TEP1: variants seen among roughly 807,000 people sequenced by gnomAD.
TEP1 encodes telomerase protein component 1.
TEP1 carries 241 observed loss-of-function variants against 306.3 expected under a neutral mutation model. The observed-to-expected ratio is 0.79, with a 90% CI of 0.71 to 0.88. The LOEUF (loss-of-function observed/expected upper bound fraction) is 0.88, where lower values mean the gene tolerates loss of function less well. Among genes scored for constraint, TEP1 ranks in the 40% least tolerant of loss-of-function variants. The probability of loss-of-function intolerance (pLI) is 0.00; values close to 1 mark genes in which losing one functional copy is unlikely to be tolerated. For missense variants in TEP1, 3,051 were observed against 3,276.1 expected (o/e 0.93, Z 1.68); for synonymous variants, 1,289 against 1,305.5 (o/e 0.99, Z 0.27).
chr14:20,369,018 T>C, intron 53 of TEP1, 116 bp from the exon 54 acceptor site: 3 of 774,844 alleles, frequency 3.9e-6, no homozygotes, highest in Non-Finnish European at 6.2e-6. Flanking sequence ...TTCTTTTTTT[T>C]TTTTTTGAGA....
intron 12 of TEP1, among the ~76,000 whole-genome samples, chr14:20,393,226 A>G (rs796682788): frequency 2.0e-5 from 3 of 152,218 alleles, no homozygotes; most frequent in African/African-American, 4.8e-5. Context: ...CAAAAAAAAA[A>G]AGAGAAGAAA....
chr14:20,406,854 G>A (rs1020946432), intron 2 of TEP1, among the ~76,000 whole-genome samples: 1 of 152,220 alleles, frequency 6.6e-6, no homozygotes, highest in African/African-American at 2.4e-5. Flanking sequence ...TAAATGGAGT[G>A]TTATATGTAT....
chr14:20,381,518 C>T lies in TEP1; in HGVS notation c.4558+35G>A. The T allele has an allele frequency of 6.2e-7, 1 of 1,613,096 alleles. No individual in the cohort carries two copies. The highest frequency in any genetic ancestry group is 1.3e-5 in the African/African-American group (1 of 75,076). On this transcript the variant is annotated intron_variant, in intron 31 of 54. Transcript: ENST00000262715. This position sits in a 1 kb window ranked among gnomAD's most constrained non-coding sequence, Gnocchi z 4.0. ...TCCTGGCCTCCAGGCCCAAGCCCCA[C>T]ACTCAGTGCCCAGGCTGACTTGGGC...
chr14:20,383,719 C>T (rs777214920), intron 25 of TEP1, 24 bp downstream of exon 25: 14 of 1,609,072 alleles, frequency 8.7e-6, no homozygotes, highest in Non-Finnish European at 1.0e-5. Flanking sequence ...ATCAACAAGG[C>T]TGGGCTCATT....
chr14:20,375,677 A>G, intron 43 of TEP1, 78 bp downstream of exon 43: 2 of 887,154 alleles, frequency 2.3e-6, no homozygotes, highest in Non-Finnish European at 3.7e-6. Flanking sequence ...TGGGTGCCAG[A>G]AAAAGGACGA....
intron 1 of TEP1, among the ~76,000 whole-genome samples, chr14:20,409,690 TTC>T (rs1011044674): frequency 1.5e-4 from 23 of 152,264 alleles, no homozygotes; most frequent in African/African-American, 5.5e-4. Flanking sequence ...GATACTTAAA[TTC>T]TCTGTGTCTC....
chr14:20,400,051 G>A (rs549986291), intron 9 of TEP1, among the ~76,000 whole-genome samples: 2 of 150,890 alleles, frequency 1.3e-5, no homozygotes, highest in East Asian at 3.9e-4. Context: ...AGCTACTCGG[G>A]AGACTGAGGC....
intron 10 of TEP1, 75 bp downstream of exon 10, chr14:20,396,546 C>T: frequency 7.5e-7 from 1 of 1,324,904 alleles, no homozygotes; most frequent in Non-Finnish European, 1.1e-6. Flanking sequence ...AAAGCCTGGC[C>T]TCTAAAGCAG....
At position 20,401,562 on chromosome 14, in the gene TEP1, G is replaced by GT. The variant is rs1192044052; in HGVS notation, c.1285dup (p.Thr429AsnfsTer56). On this transcript the variant is annotated frameshift_variant, in exon 8 of 55. Transcript: ENST00000262715. LOFTEE classifies it high-confidence loss of function. ...TGGAGGATTCTTTTTCTCTGACACTGTATCACCGGCCTTCTCAAACTGTGG... is the reference window on the plus strand; with the variant it reads ...TGGAGGATTCTTTTTCTCTGACACTGTTATCACCGGCCTTCTCAAACTGTGG... 5.0e-6 allele frequency: 8 copies of GT among 1,614,052 alleles called. No individual in the cohort carries two copies. The African/African-American group carries it at 6.7e-5, about 13-fold the overall frequency.
chr14:20,403,087 G>A lies in TEP1; in HGVS notation c.1266+290C>T, dbSNP rs141773683. ...CAGGAGAATCGCTTGAGCCTGTGAG[G>A]TGGAGGTTGTAGTGAGCCAAGACCG... On this transcript the variant is annotated intron_variant, in intron 7 of 54. Coordinates refer to ENST00000262715, the MANE Select transcript of TEP1 (RefSeq NM_007110.5). Among the ~76,000 whole-genome samples the A allele has an allele frequency of 1.0e-3, 153 of 150,198 alleles. 1 individual carries two copies. The highest frequency in any genetic ancestry group is 3.7e-3 in the African/African-American group (149 of 40,744).
At chr14:20,401,675 T>C in intron 7 of TEP1, 94 bp from the exon 8 acceptor site, 1 of 1,517,382 alleles carries the variant, frequency 6.6e-7, no homozygotes, top group African/African-American at 1.4e-5. Flanking sequence ...ATCCGATCCC[T>C]ATGTGGTAAT....
chr14:20,382,242 G>C lies in TEP1; in HGVS notation c.4255C>G (p.Leu1419Val), dbSNP rs139497310. The change falls in exon 29 of 55, where the codon CTA becomes GTA. Residue 1419 changes from leucine to valine, a missense_variant. By Grantham distance (32) the Leu-to-Val change is conservative. Around this residue, in one of 3 missense-constraint regions of TEP1, gnomAD observed 1,540 missense variants for 1,705.9 expected, o/e 0.90. Coordinates refer to ENST00000262715, the MANE Select transcript of TEP1 (RefSeq NM_007110.5). ...PDVLPQALTALEVTRSGLTVD... is the reference protein window; with the variant it reads ...PDVLPQALTAVEVTRSGLTVD... ...CACTGACCACTCCGTGTGACTTCTA[G>C]GGCAGTCAAGGCCTGGGGAAGGACA... The C allele has an allele frequency of 6.8e-6, 11 of 1,614,100 alleles. No individual in the cohort carries two copies. In the African/African-American group the frequency reaches 9.3e-5, roughly 14 times the overall value.
intron 43 of TEP1, among the ~76,000 whole-genome samples, chr14:20,375,303 T>A (rs1231272700): frequency 1.3e-5 from 2 of 152,110 alleles, no homozygotes; most frequent in Non-Finnish European, 2.9e-5. Context: ...ATTACAGGCA[T>A]GTGTCACCAC....
At position 20,369,664 on chromosome 14, in the gene TEP1, T is replaced by C. The variant is rs925996265; in HGVS notation, c.7423+10A>G. ...CTCCCGGCTCCTCAGGTCCTCCTGT[T>C]ACCACTCACCAGATTCAGGTTTGGC... On this transcript the variant is annotated intron_variant, in intron 52 of 54. Transcript: ENST00000262715. 4 of 1,613,776 alleles carry C rather than the reference T, an allele frequency of 2.5e-6. No homozygotes were observed. The highest frequency in any genetic ancestry group is 2.5e-6 in the Non-Finnish European group (3 of 1,179,678).
chr14:20,385,425 T>C (rs537348800), intron 20 of TEP1, among the ~76,000 whole-genome samples: 26 of 152,050 alleles, frequency 1.7e-4, no homozygotes, highest in Non-Finnish European at 2.9e-4. Context: ...CAGGCTGGAG[T>C]GCAATGGCGC....
rs756750789 is a variant in TEP1, at chr14:20,391,030, C to A, written c.2164G>T (p.Val722Leu). The A allele has an allele frequency of 6.2e-7, 1 of 1,613,988 alleles. No individual in the cohort carries two copies. Among genetic ancestry groups the A allele is most frequent in the Non-Finnish European group, 8.5e-7 (1 of 1,180,040 alleles). Residue 722 changes from valine (V) to leucine (L), a missense_variant, in exon 14 of 55, where the codon GTG (valine) becomes TTG (leucine). Transcript: ENST00000262715. ...TTCAGAGTGTCACCTCCACACAGCA[C>A]GACGTCCACCTGCTCCGCCCTCGTG... ...MITRAEQVDV[V>L]LCGGDTLKTA...
rs1205160223 is a variant in TEP1 at position 20,371,609 on chromosome 14, T to C, written c.7100A>G (p.Gln2367Arg). ...NLSLHLNRIL[Q>R]EDLGVLTSLD... ...ACTTGTCAGCACCCCTAAGTCCTCC[T>C]GTAGAATTCGGTTCAGGTGAAGACT... The change falls in exon 50 of 55, where the codon CAG becomes CGG. Residue 2367 changes from glutamine to arginine, a missense_variant. By Grantham distance (43) the Gln-to-Arg change is conservative (BLOSUM62 1). Transcript: ENST00000262715. The C allele has an allele frequency of 6.3e-7, 1 of 1,581,660 alleles. No individual in the cohort carries two copies. Among genetic ancestry groups the C allele is most frequent in the Non-Finnish European group, 8.5e-7 (1 of 1,172,214 alleles).
rs1157561187 is a variant in TEP1, at chr14:20,386,613, T to G, written c.2695A>C (p.Ile899Leu). ...AAAGTGGATGAAATGAAAAGCCGGA[T>G]GCTGCGCCATCTGGGGATAAGCAGA... ...APVSQQGWRS[I>L]RLFISSTFRD... The change falls in exon 19 of 55, where the codon ATC becomes CTC. Residue 899 changes from isoleucine to leucine, a missense_variant. Physicochemically the swap from Ile to Leu is conservative, Grantham distance 5. Transcript: ENST00000262715. The G allele has an allele frequency of 6.2e-7, 1 of 1,600,746 alleles. No individual in the cohort carries two copies. Among genetic ancestry groups the G allele is most frequent in the African/African-American group, 1.3e-5 (1 of 74,698 alleles).
At chr14:20,405,034 C>A (rs1879065827) in intron 4 of TEP1, among the ~76,000 whole-genome samples, 1 of 152,158 alleles carries the variant, frequency 6.6e-6, no homozygotes, top group Admixed American at 6.5e-5. Flanking sequence ...TTTGGAAGAC[C>A]TCCTGCATCA....
Sources: gnomAD v4.1 joint callset for allele counts (sites outside exome capture counted in the v4.1 genomes callset) on GRCh38, gnomAD v4.1.1 for gene constraint, gnomAD v4.1.1 regional missense constraint, Gnocchi (gnomAD v3.1) non-coding constraint, MANE v1.5 for transcripts, NCBI Gene and HGNC (gene_info 2026-07-23, HGNC 2026-07-21) for gene names.